The following GNL3L variants were observed in gnomAD, a reference collection of about 807,000 sequenced individuals.
GNL3L encodes guanine nucleotide-binding protein-like 3-like protein.
GNL3L carries 4 observed loss-of-function variants against 42.9 expected under a neutral mutation model. The observed-to-expected ratio is 0.09, with a 90% CI of 0.05 to 0.21. GNL3L has a LOEUF of 0.21. Among genes scored for constraint, GNL3L ranks in the 10% least tolerant of loss-of-function variants. The pLI is 1.00. For synonymous variants in GNL3L, 159 were observed against 176.3 expected (o/e 0.90, Z 0.78); for missense variants, 412 against 481.7 (o/e 0.86, Z 1.36).
chrX:54,588,601 G>A (rs898630324), intron 16 of GNL3L, among the ~76,000 whole-genome samples: 5 of 110,840 alleles, frequency 4.5e-5, no homozygotes, highest in African/African-American at 1.3e-4. Flanking sequence ...GAGGCGGGTG[G>A]ATCACTTGAG....
Position 54,588,687 on chromosome X carries a change from T to C in GNL3L, c.*45+28040T>C, listed in dbSNP as rs756308130. Reference sequence around the variant, plus strand: ...TAAAAATACAAAAACTAGCCAGGCGTGGTGGCACACGCCTATAATCCTAGC... The same window carrying C: ...TAAAAATACAAAAACTAGCCAGGCGCGGTGGCACACGCCTATAATCCTAGC... On this transcript the variant is annotated intron_variant, in intron 16 of 16. Transcript: ENST00000674498. Among the ~76,000 whole-genome samples, 10 of 111,389 alleles carry C rather than the reference T, an allele frequency of 9.0e-5. No individual in the cohort carries two copies. The South Asian group carries it at 3.7e-3, about 42-fold the overall frequency.
At chrX:54,542,218 G>A (rs974165343) in intron 5 of GNL3L, among the ~76,000 whole-genome samples, 17 of 110,025 alleles carry the variant, frequency 1.5e-4, no homozygotes, top group African/African-American at 5.6e-4. Context: ...TTTACATTAG[G>A]TATATCTCCT....
At chrX:54,536,605 C>T (rs1280473335) in intron 2 of GNL3L, among the ~76,000 whole-genome samples, 1 of 108,659 alleles carries the variant, frequency 9.2e-6, no homozygotes, top group African/African-American at 3.3e-5. Context: ...GCCAACATGG[C>T]GAAACCCCGT....
At chrX:54,576,627 T>C (rs1327052256) in intron 16 of GNL3L, among the ~76,000 whole-genome samples, 2 of 110,407 alleles carry the variant, frequency 1.8e-5, no homozygotes, top group Non-Finnish European at 3.8e-5. Flanking sequence ...CCACCATGCC[T>C]GGGTGATTTT....
At chrX:54,606,437 A>G (rs991483721) in intron 16 of GNL3L, among the ~76,000 whole-genome samples, 18 of 111,165 alleles carry the variant, frequency 1.6e-4, no homozygotes, top group Admixed American at 9.6e-5. Context: ...CTTAGGGAGT[A>G]GTACTGGGAA....
At chrX:54,552,074 G>A in intron 12 of GNL3L, 100 bp downstream of exon 12, 1 of 1,006,307 alleles carries the variant, frequency 9.9e-7, no homozygotes, top group Non-Finnish European at 1.4e-6. Flanking sequence ...TTGACTTCCT[G>A]GGTCTTGGGG....
rs1924209853 is a variant in GNL3L, at chrX:54,530,423, A to G, written c.-48+4A>G. The G allele has an allele frequency of 9.0e-6, 1 of 111,534 alleles. No individual in the cohort carries two copies. The highest frequency in any genetic ancestry group is 1.9e-5 in the Non-Finnish European group (1 of 52,979). The allele number at this position is 111,534 out of a possible 1,213,427, so 9.2% of individuals were successfully genotyped here. ...CCCGCCAACCTGGAATAGAGAGGTA[A>G]ACAGCAGGATCCCTTCCAGGGTAGA... On this transcript the variant is annotated splice_donor_region_variant and intron_variant, in intron 1 of 15. Coordinates refer to ENST00000360845, the MANE Select transcript of GNL3L (RefSeq NM_001184819.2).
the GNL3L span, among the ~76,000 whole-genome samples, chrX:54,634,948 T>C: frequency 1.8e-5 from 2 of 108,113 alleles, no homozygotes; most frequent in East Asian, 2.9e-4. Context: ...CCCGCCACCA[T>C]GCCAAGCTAA....
chrX:54,542,548 C>T lies in GNL3L; in HGVS notation c.307-407C>T, dbSNP rs183452685. Among the ~76,000 whole-genome samples, 1,055 of 111,210 alleles carry T rather than the reference C, an allele frequency of 9.5e-3. 52 individuals carry two copies. The highest frequency in any genetic ancestry group is 0.089 in the Admixed American group (925 of 10,351). ...GTCTTTGCTATTGTGAATAGTGCCG[C>T]AATAAACATACGTGTGCATGTGTCT... On this transcript the variant is annotated intron_variant, in intron 5 of 15. Coordinates refer to ENST00000360845, the MANE Select transcript of GNL3L (RefSeq NM_001184819.2).
Position 54,558,556 on chromosome X carries a change from C to T in GNL3L, c.1567C>T (p.Arg523Cys), listed in dbSNP as rs762289395. ...GGTGGATGTCTGCTCAGTGGACCGCCGCTCAGTGCTGCAGAGGATCATGGA... is the reference window on the plus strand; with the variant it reads ...GGTGGATGTCTGCTCAGTGGACCGCTGCTCAGTGCTGCAGAGGATCATGGA... The part of the protein sequence containing the change: ...SMVDVCSVDR[R>C]SVLQRIMETD... The change falls in exon 15 of 16, where the codon CGC becomes TGC. Residue 523 changes from arginine (R) to cysteine (C), a missense_variant. Coordinates refer to ENST00000360845, the MANE Select transcript of GNL3L (RefSeq NM_001184819.2). The T allele has an allele frequency of 1.7e-5, 21 of 1,207,382 alleles. No homozygotes were observed. Among genetic ancestry groups the T allele is most frequent in the Middle Eastern group, 2.3e-4 (1 of 4,369 alleles).
Position 54,552,797 on chromosome X carries a change from C to G in GNL3L, c.1318+369C>G, listed in dbSNP as rs930456215. 2.7e-5 allele frequency among the ~76,000 whole-genome samples: 3 copies of G among 111,739 alleles called. No homozygotes were observed. The Admixed American group carries it at 2.9e-4, about 11-fold the overall frequency. On this transcript the variant is annotated intron_variant, in intron 13 of 15. Coordinates refer to ENST00000360845, the MANE Select transcript of GNL3L (RefSeq NM_001184819.2). ...AGGCTTTTTCACAACCACTTCAGGTCCACTTCTCGATTTTCCTTCTTACCC... is the reference window on the plus strand; with the variant it reads ...AGGCTTTTTCACAACCACTTCAGGTGCACTTCTCGATTTTCCTTCTTACCC...
chrX:54,618,051 TA>T (rs778174748), intron 16 of GNL3L, among the ~76,000 whole-genome samples: 1 of 110,293 alleles, frequency 9.1e-6, no homozygotes, highest in Admixed American at 9.7e-5. Flanking sequence ...AGCTCTCAGT[TA>T]AAAAAAATCT....
At position 54,558,606 on chromosome X, in the gene GNL3L, G is replaced by A. The variant is rs1311535998; in HGVS notation, c.1617G>A (p.Gln539=). The change falls in exon 15 of 16, where the codon CAG becomes CAA. Residue 539 remains glutamine (Q), a synonymous_variant. Coordinates refer to ENST00000360845, the MANE Select transcript of GNL3L (RefSeq NM_001184819.2). ...AGACGGACCCCCTGCAACAGGGCCA[G>A]GCTCTGGCATCTGCCCTGAAAAATA... ...IMETDPLQQG[Q]ALASALKNKK... is the part of the protein sequence containing the mutation. The A allele has an allele frequency of 1.7e-6, 2 of 1,210,532 alleles. No individual in the cohort carries two copies.
At chrX:54,640,578 A>G in the GNL3L span, among the ~76,000 whole-genome samples, 7 of 112,565 alleles carry the variant, frequency 6.2e-5, no homozygotes, top group Admixed American at 3.7e-4. Context: ...ACTACTTTCT[A>G]GTGTTTGACC....
downstream of GNL3L, among the ~76,000 whole-genome samples, chrX:54,571,417 G>A (rs1472822204): frequency 1.9e-5 from 2 of 107,326 alleles, no homozygotes; most frequent in Non-Finnish European, 3.8e-5. Flanking sequence ...GGATGGTCTC[G>A]ATCTCCTGAC....
intron 16 of GNL3L, among the ~76,000 whole-genome samples, chrX:54,597,751 C>T (rs780974288): frequency 9.0e-6 from 1 of 111,487 alleles, no homozygotes; most frequent in Non-Finnish European, 1.9e-5. Flanking sequence ...TTCCCTCTGA[C>T]TAGGGCTGGT....
At chrX:54,621,833 A>G (rs917079265), downstream of GNL3L, among the ~76,000 whole-genome samples, 5 of 111,120 alleles carry the variant, frequency 4.5e-5, no homozygotes, top group Non-Finnish European at 9.4e-5. Context: ...AATTGTAGGA[A>G]AGTCATCTTT....
chrX:54,532,807 T>G (rs776190822), intron 2 of GNL3L, among the ~76,000 whole-genome samples: 25 of 111,121 alleles, frequency 2.2e-4, no homozygotes, highest in African/African-American at 7.8e-4. Flanking sequence ...TATAGGTGTG[T>G]GCCACCATGC....
At chrX:54,573,309 C>T (rs1309334016) in intron 16 of GNL3L, among the ~76,000 whole-genome samples, 1 of 113,175 alleles carries the variant, frequency 8.8e-6, no homozygotes, top group African/African-American at 3.2e-5. Flanking sequence ...CTCGGGAGGC[C>T]GAGGCTGGCG....
Sources: gnomAD v4.1 joint callset for allele counts (sites outside exome capture counted in the v4.1 genomes callset) on GRCh38, gnomAD v4.1.1 for gene constraint, MANE v1.5 for transcripts, NCBI Gene and HGNC (gene_info 2026-07-23, HGNC 2026-07-21) for gene names.